The following NUBPL variants were observed in gnomAD, a reference collection of about 807,000 sequenced individuals.
NUBPL encodes iron-sulfur cluster transfer protein NUBPL.
A neutral mutation model predicts 45.7 loss-of-function variants in NUBPL; 31 were observed. The observed-to-expected ratio is 0.68, with a 90% CI of 0.51 to 0.92. The LOEUF is 0.92. NUBPL is among the 40% of genes least tolerant of loss of function. NUBPL has a pLI of 0.00. For missense variants in NUBPL, 401 were observed against 398.7 expected, an observed-to-expected ratio of 1.01 and a Z score of -0.05; for synonymous variants, 144 against 140.9, an observed-to-expected ratio of 1.02 and a Z score of -0.15.
chr14:31,618,957 G>A (rs949868211), intron 4 of NUBPL, among the ~76,000 whole-genome samples: 10 of 152,178 alleles, frequency 6.6e-5, no homozygotes, highest in African/African-American at 1.9e-4. Flanking sequence ...CTTGCTTTAC[G>A]AATCTGGGTG....
intron 6 of NUBPL, among the ~76,000 whole-genome samples, chr14:31,684,740 G>A (rs118039343): frequency 0.063 from 9,527 of 152,088 alleles, 405 homozygotes; most frequent in Non-Finnish European, 0.091. Context: ...TTCGTTTAGT[G>A]CTACACAAAA....
intron 6 of NUBPL, chr14:31,714,736 G>A (rs2037651181): frequency 1.3e-5 from 2 of 152,152 alleles, no homozygotes; most frequent in South Asian, 4.1e-4. Context: ...ATTTGGAGGG[G>A]AGAAACATCC....
intron 7 of NUBPL, among the ~76,000 whole-genome samples, chr14:31,807,895 C>T (rs1302664762): frequency 6.6e-6 from 1 of 152,076 alleles, no homozygotes; most frequent in Non-Finnish European, 1.5e-5. Context: ...TTCCCCATTT[C>T]TTGTTTTTGT....
intron 7 of NUBPL, among the ~76,000 whole-genome samples, chr14:31,813,748 T>C (rs118033302): frequency 6.6e-6 from 1 of 152,080 alleles, no homozygotes; most frequent in Admixed American, 6.6e-5. Flanking sequence ...ATGTTTTCTC[T>C]TTGTTCAACT....
chr14:31,614,294 A>G (rs2034839060), intron 4 of NUBPL, among the ~76,000 whole-genome samples: 1 of 152,202 alleles, frequency 6.6e-6, no homozygotes, highest in African/African-American at 2.4e-5. Context: ...TACAACTACT[A>G]TTGTTGGGCA....
chr14:31,705,989 C>A (rs2037442242), intron 6 of NUBPL, among the ~76,000 whole-genome samples: 1 of 152,196 alleles, frequency 6.6e-6, no homozygotes, highest in Non-Finnish European at 1.5e-5. Flanking sequence ...TCCACACCTC[C>A]CCACAAGCAG....
intron 6 of NUBPL, among the ~76,000 whole-genome samples, chr14:31,683,018 CTTT>C (rs34251298): frequency 7.5e-6 from 1 of 134,046 alleles, no homozygotes. Flanking sequence ...TGCTAGGTTC[CTTT>C]TTTTTTTTTT....
chr14:31,643,594 G>C (rs2035765359), intron 4 of NUBPL, among the ~76,000 whole-genome samples: 1 of 152,028 alleles, frequency 6.6e-6, no homozygotes, highest in Non-Finnish European at 1.5e-5. Context: ...CATTAGTGTT[G>C]TTGGGTCTAT....
intron 10 of NUBPL, among the ~76,000 whole-genome samples, chr14:31,853,238 T>C (rs2040567641): frequency 6.6e-6 from 1 of 152,094 alleles, no homozygotes. Flanking sequence ...GTGTGTTTGG[T>C]AGAGATGGGG....
At chr14:31,819,463 A>T (rs2039978629) in intron 7 of NUBPL, among the ~76,000 whole-genome samples, 1 of 152,196 alleles carries the variant, frequency 6.6e-6, no homozygotes, top group African/African-American at 2.4e-5. Flanking sequence ...CCAGCACTGA[A>T]GTTCTCAATC....
At chr14:31,616,240 G>C (rs564398622) in intron 4 of NUBPL, among the ~76,000 whole-genome samples, 1 of 152,138 alleles carries the variant, frequency 6.6e-6, no homozygotes, top group East Asian at 1.9e-4. Flanking sequence ...TAGGTTGCCT[G>C]TTCACTCTGA....
chr14:31,808,315 G>A (rs539246722), intron 7 of NUBPL, among the ~76,000 whole-genome samples: 2 of 152,122 alleles, frequency 1.3e-5, no homozygotes, highest in Non-Finnish European at 1.5e-5. Context: ...GTGGTTTGTA[G>A]TTCTCCTTGA....
chr14:31,826,468 T>G (rs1039380747), intron 7 of NUBPL, among the ~76,000 whole-genome samples, 161 bp from the exon 8 acceptor site: 1 of 152,166 alleles, frequency 6.6e-6, no homozygotes, highest in African/African-American at 2.4e-5. Context: ...CAAAACAAAG[T>G]CGACATTTTC....
chr14:31,596,261 C>T (rs964285295), intron 3 of NUBPL, among the ~76,000 whole-genome samples: 22 of 152,188 alleles, frequency 1.4e-4, no homozygotes, highest in Admixed American at 1.3e-3. Context: ...AATTTAGTTC[C>T]AGTAAAATAG....
rs545443608 is a variant in NUBPL, at chr14:31,601,881, A to G, written c.382+2502A>G. On this transcript the variant is annotated intron_variant, in intron 4 of 10. Coordinates refer to ENST00000281081, the MANE Select transcript of NUBPL (RefSeq NM_025152.3). ...AAATACCATTTGACCCAGCCATCCCATTACTGGGTATATACCCAAAGGACT... is the reference window on the plus strand; with the variant it reads ...AAATACCATTTGACCCAGCCATCCCGTTACTGGGTATATACCCAAAGGACT... Among the ~76,000 whole-genome samples, 329 of 152,290 alleles carry G rather than the reference A, an allele frequency of 2.2e-3. 1 individual carries two copies. The highest frequency in any genetic ancestry group is 0.014 in the Middle Eastern group (4 of 294).
intron 9 of NUBPL, 66 bp from the exon 10 acceptor site, chr14:31,850,053 T>A: frequency 2.6e-6 from 3 of 1,157,462 alleles, no homozygotes; most frequent in Middle Eastern, 1.9e-4. Flanking sequence ...ATAGTTCAAA[T>A]AGTGAGATTC....
At chr14:31,815,570 A>G (rs768525999) in intron 7 of NUBPL, among the ~76,000 whole-genome samples, 5 of 152,024 alleles carry the variant, frequency 3.3e-5, no homozygotes, top group Non-Finnish European at 5.9e-5. Flanking sequence ...TTCCAATACT[A>G]TTTTGAATAG....
At chr14:31,607,382 C>A (rs78542000) in intron 4 of NUBPL, among the ~76,000 whole-genome samples, 27 of 138,128 alleles carry the variant, frequency 2.0e-4, no homozygotes, top group South Asian at 2.3e-4. Flanking sequence ...GACTTTGTCT[C>A]AAAAAAAAAA....
At chr14:31,678,299 G>T (rs980499275) in intron 6 of NUBPL, among the ~76,000 whole-genome samples, 2 of 152,194 alleles carry the variant, frequency 1.3e-5, no homozygotes. Flanking sequence ...TGGCTGAGCT[G>T]GCACCTAAGG....
Sources: allele counts gnomAD v4.1 joint callset (sites outside exome capture counted in the v4.1 genomes callset), GRCh38; gene constraint gnomAD v4.1.1; transcripts MANE v1.5; gene names NCBI Gene and HGNC (gene_info 2026-07-23, HGNC 2026-07-21).